The following SMARCA2 variants were observed in gnomAD, a reference collection of about 807,000 sequenced individuals.
The protein encoded by SMARCA2 is SWI/SNF-related matrix-associated actin-dependent regulator of chromatin subfamily A member 2.
In SMARCA2, 61 loss-of-function variants were observed where a neutral mutation model predicts 199.8. The observed-to-expected ratio is 0.31, with a 90% CI of 0.25 to 0.38. The LOEUF is 0.38. Ranked by LOEUF, SMARCA2 falls within the 10% of genes least tolerant of loss-of-function variation. SMARCA2 has a pLI of 1.00. For missense variants in SMARCA2, 1,344 were observed against 2,012.2 expected (o/e 0.67, Z 6.35); for synonymous variants, 935 against 732.0 (o/e 1.28, Z -4.48).
intron 19 of SMARCA2, among the ~76,000 whole-genome samples, chr9:2,092,590 T>G (rs1158509827): frequency 3.3e-5 from 5 of 152,180 alleles, no homozygotes; most frequent in African/African-American, 1.2e-4. Context: ...ATGAACAAAG[T>G]TCAAATACTT....
At chr9:2,090,090 T>A (rs529899160) in intron 19 of SMARCA2, among the ~76,000 whole-genome samples, 7 of 152,266 alleles carry the variant, frequency 4.6e-5, no homozygotes, top group Admixed American at 3.9e-4. Flanking sequence ...AAATTGAAAT[T>A]TTTGCAGCTT....
At chr9:2,175,875 T>G (rs1380206073) in intron 29 of SMARCA2, among the ~76,000 whole-genome samples, 2 of 133,202 alleles carry the variant, frequency 1.5e-5, no homozygotes, top group Admixed American at 7.4e-5. Flanking sequence ...TTGGGTTTTT[T>G]TTGTTTGTTT....
In SMARCA2 at chr9:2,148,927, C is replaced by G. The variant is rs571720488; in HGVS notation, c.3982-12759C>G. On this transcript the variant is annotated intron_variant, in intron 27 of 33. Coordinates refer to ENST00000349721, the MANE Select transcript of SMARCA2 (RefSeq NM_003070.5). ...CTGGTGTCTCCTTCTCTGCCACCAA[C>G]TCTTCATGTTGATTTCAGCCATGTA... Among the ~76,000 whole-genome samples, 22 of 151,724 alleles carry G rather than the reference C, an allele frequency of 1.5e-4. 2 individuals carry two copies. The highest frequency in any genetic ancestry group is 1.4e-3 in the Admixed American group (22 of 15,212).
At chr9:2,186,319 G>C (rs1404343060) in intron 32 of SMARCA2, 91 bp downstream of exon 32, 1 of 1,350,200 alleles carries the variant, frequency 7.4e-7, no homozygotes, top group African/African-American at 1.7e-5. Flanking sequence ...ACTTTAGAGT[G>C]GGGCAGATCT....
intron 28 of SMARCA2, among the ~76,000 whole-genome samples, chr9:2,166,820 T>C (rs1825955927): frequency 6.6e-6 from 1 of 152,190 alleles, no homozygotes; most frequent in African/African-American, 2.4e-5. Flanking sequence ...GTCACCCACA[T>C]TTATCCTTTC....
At chr9:2,144,470 T>C (rs560182089) in intron 27 of SMARCA2, among the ~76,000 whole-genome samples, 12 of 152,222 alleles carry the variant, frequency 7.9e-5, no homozygotes, top group African/African-American at 2.2e-4. Context: ...GTCTTTGGGG[T>C]ATCACTTTCT....
intron 13 of SMARCA2, among the ~76,000 whole-genome samples, chr9:2,076,610 T>G (rs1821335061): frequency 1.3e-5 from 2 of 151,672 alleles, no homozygotes; most frequent in Non-Finnish European, 2.9e-5. Context: ...TCAGGCTCAC[T>G]CCTGAGCCTC....
intron 29 of SMARCA2, 188 bp from the exon 30 acceptor site, chr9:2,181,383 G>C: frequency 2.0e-6 from 1 of 495,172 alleles, no homozygotes. Flanking sequence ...ATTTTACTGT[G>C]ATCTTAAAAT....
Position 2,193,496 on chromosome 9 carries a change from T to TTAATCTTTG in SMARCA2, c.*758_*766dup, listed in dbSNP as rs1298527852. ...TCGTCTCCTTCTCCCTAAAGTGTAC[T>TTAATCTTTG]TAATCTTTGCTTTCTTTGCACAATG... On this transcript the variant is annotated 3_prime_UTR_variant, in exon 34 of 34. Transcript: ENST00000349721. 12 of 152,706 alleles carry TTAATCTTTG rather than the reference T, an allele frequency of 7.9e-5. No individual in the cohort carries two copies. Among genetic ancestry groups the TTAATCTTTG allele is most frequent in the Non-Finnish European group, 1.5e-4 (10 of 68,054 alleles). The allele number at this position is 152,706 out of a possible 1,614,324, so 9.5% of individuals were successfully genotyped here.
intron 1 of SMARCA2, among the ~76,000 whole-genome samples, chr9:2,021,710 T>A (rs1380138917): frequency 1.3e-5 from 2 of 152,196 alleles, no homozygotes; most frequent in African/African-American, 4.8e-5. Flanking sequence ...AAATAGATGA[T>A]CTGTAATTGA....
intron 28 of SMARCA2, among the ~76,000 whole-genome samples, chr9:2,163,254 C>A (rs1461419232): frequency 6.6e-6 from 1 of 152,174 alleles, no homozygotes; most frequent in African/African-American, 2.4e-5. Context: ...CCAGGTCTCT[C>A]AGATTTTGTG....
At chr9:2,129,866 T>C (rs1223054732) in intron 27 of SMARCA2, among the ~76,000 whole-genome samples, 2 of 152,198 alleles carry the variant, frequency 1.3e-5, no homozygotes, top group African/African-American at 4.8e-5. Flanking sequence ...ACAAATTCTT[T>C]TTTTTGAGGC....
intron 27 of SMARCA2, chr9:2,159,707 C>A (rs975274880): frequency 1.1e-5 from 16 of 1,419,142 alleles, no homozygotes; most frequent in Admixed American, 6.4e-5. Flanking sequence ...CATGAAACAG[C>A]AGATTTGAGT....
intron 9 of SMARCA2, 97 bp from the exon 10 acceptor site, chr9:2,070,321 G>C (rs1354912412): frequency 1.1e-6 from 1 of 935,342 alleles, no homozygotes; most frequent in Admixed American, 1.9e-5. Flanking sequence ...TAATAATGGG[G>C]TAACAATGAA....
chr9:2,017,400 T>A lies in SMARCA2; in HGVS notation c.-37+1996T>A, dbSNP rs1818402519. 6.6e-6 allele frequency: 1 copy of A among 152,064 alleles called. No individual in the cohort carries two copies. Among genetic ancestry groups the A allele is most frequent in the Admixed American group, 6.6e-5 (1 of 15,264 alleles). 9.4% of individuals were successfully genotyped at this position (152,064 alleles called of 1,614,324 possible). A position where few individuals can be genotyped will look rare whatever the true frequency, so the allele number is the denominator to read the frequency against. ...GTGTGTCTGCGCGTGAGTGTGAGTG[T>A]GAGTGTGTGTTGTGCGCGCAGGAGC... On this transcript the variant is annotated intron_variant, in intron 1 of 33. Transcript: ENST00000349721. This position sits in a 1 kb window ranked among gnomAD's most constrained non-coding sequence, Gnocchi z 8.8.
chr9:2,107,009 G>T (rs575822185), intron 23 of SMARCA2, among the ~76,000 whole-genome samples: 8 of 152,142 alleles, frequency 5.3e-5, no homozygotes, highest in Non-Finnish European at 1.2e-4. Context: ...TATTGAGCAC[G>T]TTAAATCTTG....
chr9:2,095,157 C>G (rs1822218758), intron 19 of SMARCA2, among the ~76,000 whole-genome samples: 1 of 151,368 alleles, frequency 6.6e-6, no homozygotes, highest in South Asian at 2.1e-4. Context: ...GTGATCTCAG[C>G]TCACTGCAAC....
Position 2,186,371 on chromosome 9 carries a change from G to A in SMARCA2, c.4594+143G>A, listed in dbSNP as rs569265280. The A allele has an allele frequency of 2.2e-4, 174 of 798,838 alleles. 1 individual carries two copies. In the African/African-American group the frequency reaches 2.2e-3, roughly 10 times the overall value. The allele number at this position is 798,838 out of a possible 1,614,324, so 49.5% of individuals were successfully genotyped here. A position where few individuals can be genotyped will look rare whatever the true frequency, so the allele number is the denominator to read the frequency against. On this transcript the variant is annotated intron_variant, in intron 32 of 33. Coordinates refer to ENST00000349721, the MANE Select transcript of SMARCA2 (RefSeq NM_003070.5). ...TCCACTTTGTCCTTGCTGGGCAACC[G>A]GTGGCCATGTCCTTATCCCTGCTCA...
chr9:2,110,198 C>T lies in SMARCA2; in HGVS notation c.3293-56C>T. The T allele has an allele frequency of 7.0e-7, 1 of 1,423,910 alleles. No homozygotes were observed. Among genetic ancestry groups the T allele is most frequent in the Non-Finnish European group, 9.6e-7 (1 of 1,043,938 alleles). 88.2% of individuals were successfully genotyped at this position (1,423,910 alleles called of 1,614,324 possible). A position where few individuals can be genotyped will look rare whatever the true frequency, so the allele number is the denominator to read the frequency against. ...AGGAAGCAAGCCTTTTTGTCTCATT[C>T]TGTGCCATTTTCAGACAAGAGTTAA... On this transcript the variant is annotated intron_variant, in intron 23 of 33. Coordinates refer to ENST00000349721, the MANE Select transcript of SMARCA2 (RefSeq NM_003070.5). The surrounding 1 kb of genome is among the most constrained non-coding windows in gnomAD (Gnocchi z 4.8).
Sources: allele counts gnomAD v4.1 joint callset (sites outside exome capture counted in the v4.1 genomes callset), GRCh38; gene constraint gnomAD v4.1.1; non-coding constraint Gnocchi (gnomAD v3.1); transcripts MANE v1.5; gene names NCBI Gene and HGNC (gene_info 2026-07-23, HGNC 2026-07-21).